Variants in CNKSR2 observed in about 807,000 individuals in gnomAD.
The protein encoded by CNKSR2 is connector enhancer of kinase suppressor of Ras 2, also known as CNK homolog protein 2.
CNKSR2 carries 14 observed loss-of-function variants against 84.4 expected under a neutral mutation model. The ratio of observed to expected loss-of-function variants is 0.17; its 90% CI spans 0.11 to 0.26. CNKSR2 has a LOEUF of 0.26. CNKSR2 is among the 10% of genes least tolerant of loss of function. CNKSR2 has a pLI of 1.00. For missense variants in CNKSR2, 485 were observed against 771.2 expected, an observed-to-expected ratio of 0.63 and a Z score of 4.40; for synonymous variants, 275 against 277.9, an observed-to-expected ratio of 0.99 and a Z score of 0.10.
intron 4 of CNKSR2, chrX:21,441,034 T>TG (rs750940743): frequency 4.6e-5 from 9 of 196,432 alleles, no homozygotes; most frequent in Admixed American, 1.5e-4. Flanking sequence ...CTTTTAACAG[T>TG]GATCTAATTA....
chrX:21,422,168 A>G (rs1438203948), intron 1 of CNKSR2: 2 of 111,771 alleles, frequency 1.8e-5, no homozygotes, highest in Non-Finnish European at 3.8e-5. Context: ...GGCTCACTGC[A>G]TAAGTGGATG....
chrX:21,637,220 T>G (rs371070662), intron 20 of CNKSR2: 1 of 111,661 alleles, frequency 9.0e-6, no homozygotes, highest in African/African-American at 3.2e-5. Flanking sequence ...TGGATTAAGA[T>G]GAAATACTAC....
intron 17 of CNKSR2, among the ~76,000 whole-genome samples, chrX:21,597,330 A>G: frequency 9.0e-6 from 1 of 110,873 alleles, no homozygotes; most frequent in Admixed American, 9.7e-5. Flanking sequence ...ACTAAACCAA[A>G]TTTGTGTGGT....
chrX:21,586,966 T>C (rs1189820250), intron 13 of CNKSR2, among the ~76,000 whole-genome samples: 1 of 111,792 alleles, frequency 8.9e-6, no homozygotes, highest in African/African-American at 3.2e-5. Context: ...AAGAAGACCA[T>C]TTGAAGAGAT....
intron 11 of CNKSR2, among the ~76,000 whole-genome samples, chrX:21,559,117 G>A (rs994712177): frequency 5.4e-5 from 6 of 111,133 alleles, no homozygotes; most frequent in Admixed American, 9.6e-5. Context: ...CTTTCGATGG[G>A]CAGAATATTG....
At chrX:21,424,453 C>A (rs1316617094) in intron 1 of CNKSR2, 1 of 111,395 alleles carries the variant, frequency 9.0e-6, no homozygotes, top group Non-Finnish European at 1.9e-5. Flanking sequence ...TGTTTTCATT[C>A]TTAGATGCCC....
chrX:21,473,068 C>T (rs923502320), intron 5 of CNKSR2, among the ~76,000 whole-genome samples: 1 of 111,028 alleles, frequency 9.0e-6, no homozygotes, highest in Non-Finnish European at 1.9e-5. Context: ...TCTCAAAAGC[C>T]AGATTCTGGG....
Position 21,480,964 on chromosome X carries a change from G to A in CNKSR2, c.562-9495G>A, listed in dbSNP as rs765352059. Among the ~76,000 whole-genome samples, 4 of 112,231 alleles carry A rather than the reference G, an allele frequency of 3.6e-5. No individual in the cohort carries two copies. In the South Asian group the frequency reaches 1.1e-3, roughly 31 times the overall value. ...CGCAGGAACTGAAGCAAAACTGCAT[G>A]ATTGTAACTTGGCTCTGCCATTTAA... On this transcript the variant is annotated intron_variant, in intron 5 of 21. Coordinates refer to ENST00000379510, the MANE Select transcript of CNKSR2 (RefSeq NM_014927.5).
chrX:21,517,350 A>T (rs1211775903), intron 9 of CNKSR2, among the ~76,000 whole-genome samples: 1 of 110,253 alleles, frequency 9.1e-6, no homozygotes, highest in Non-Finnish European at 1.9e-5. Flanking sequence ...ATGCTACTGC[A>T]CTCCAGCTTG....
chrX:21,502,058 T>A (rs959024082), intron 8 of CNKSR2, among the ~76,000 whole-genome samples: 4 of 107,208 alleles, frequency 3.7e-5, no homozygotes, highest in African/African-American at 6.7e-5. Context: ...TAAATGTAGA[T>A]CTTTGAAAAT....
chrX:21,455,832 C>T (rs780434218), intron 4 of CNKSR2, among the ~76,000 whole-genome samples: 17 of 112,194 alleles, frequency 1.5e-4, no homozygotes, highest in South Asian at 7.4e-4. Context: ...GTTTAGCTCC[C>T]TGCATAAATC....
At chrX:21,547,278 C>T (rs2092036315) in intron 11 of CNKSR2, among the ~76,000 whole-genome samples, 1 of 111,224 alleles carries the variant, frequency 9.0e-6, no homozygotes, top group African/African-American at 3.3e-5. Flanking sequence ...GCAGGAGTTG[C>T]AATCCTAGTC....
In CNKSR2 at chrX:21,526,896, C is replaced by T. The variant is rs773818782; in HGVS notation, c.987C>T (p.Ser329=). 7 of 1,203,480 alleles carry T rather than the reference C, an allele frequency of 5.8e-6. No individual in the cohort carries two copies. The South Asian group carries it at 7.1e-5, about 12-fold the overall frequency. ...QPLIPRSPTS[S]VATPSSTIST... is the part of the protein sequence containing the mutation. Reference sequence around the variant, plus strand: ...TTATACCTAGAAGTCCCACAAGCAGCGTTGCCACGCCTTCCAGCACCATCA... The same window carrying T: ...TTATACCTAGAAGTCCCACAAGCAGTGTTGCCACGCCTTCCAGCACCATCA... The change falls in exon 10 of 22, where the codon AGC becomes AGT. Residue 329 remains serine (S), a synonymous_variant. Transcript: ENST00000379510.
At chrX:21,375,613 G>A (rs1350328712) in intron 1 of CNKSR2, among the ~76,000 whole-genome samples, 2 of 112,223 alleles carry the variant, frequency 1.8e-5, no homozygotes, top group Non-Finnish European at 3.8e-5. Context: ...GCTGCCTCCA[G>A]CGCATCCCCT....
intron 1 of CNKSR2, among the ~76,000 whole-genome samples, chrX:21,406,301 T>A (rs762200403): frequency 9.0e-6 from 1 of 111,341 alleles, no homozygotes; most frequent in Admixed American, 9.6e-5. Context: ...ACAGAAAAAG[T>A]ATCTTCCACA....
chrX:21,652,269 G>GAATAAAAC, intron 21 of CNKSR2, 37 bp from the exon 22 acceptor site: 1 of 1,089,162 alleles, frequency 9.2e-7, no homozygotes, highest in Non-Finnish European at 1.3e-6. Flanking sequence ...ATAAAACTTT[G>GAATAAAAC]TCCCTGTCTT....
chrX:21,375,048 C>A, intron 1 of CNKSR2, 87 bp downstream of exon 1: 1 of 785,889 alleles, frequency 1.3e-6, no homozygotes, highest in Non-Finnish European at 2.0e-6. Context: ...CGCGCCAGAG[C>A]CCGCCACCGC....
intron 5 of CNKSR2, among the ~76,000 whole-genome samples, chrX:21,480,293 C>T (rs755880010): frequency 1.2e-4 from 13 of 111,449 alleles, no homozygotes; most frequent in Non-Finnish European, 2.1e-4. Flanking sequence ...AGGTCTCTGC[C>T]GTTTGGTCCC....
chrX:21,483,576 A>G (rs1053451832), intron 5 of CNKSR2, among the ~76,000 whole-genome samples: 2 of 98,755 alleles, frequency 2.0e-5, no homozygotes, highest in South Asian at 8.8e-4. Context: ...TGTACCCTAG[A>G]ACTTAAAGTA....
Sources: gnomAD v4.1 joint callset for allele counts (sites outside exome capture counted in the v4.1 genomes callset) on GRCh38, gnomAD v4.1.1 for gene constraint, MANE v1.5 for transcripts, NCBI Gene and HGNC (gene_info 2026-07-23, HGNC 2026-07-21) for gene names.